Variants in NCKAP5 observed in about 807,000 individuals in gnomAD.
The protein encoded by NCKAP5 is NCK associated protein 5.
A neutral mutation model predicts 167.0 loss-of-function variants in NCKAP5; 92 were observed. That is an observed-to-expected ratio of 0.55 (90% CI 0.47 to 0.66). The LOEUF (loss-of-function observed/expected upper bound fraction) is 0.66, where lower values mean the gene tolerates loss of function less well. Among genes scored for constraint, NCKAP5 ranks in the 30% least tolerant of loss-of-function variants. The pLI is 0.00. For synonymous variants in NCKAP5, 891 were observed against 877.4 expected, an observed-to-expected ratio of 1.02 and a Z score of -0.27; for missense variants, 2,378 against 2,315.0, an observed-to-expected ratio of 1.03 and a Z score of -0.56.
intron 3 of NCKAP5, among the ~76,000 whole-genome samples, chr2:133,451,753 T>C (rs978129066): frequency 1.6e-4 from 25 of 152,340 alleles, no homozygotes; most frequent in Non-Finnish European, 5.9e-5. Flanking sequence ...AAGCCTGGCA[T>C]GAAAGTGAAT....
chr2:133,562,018 T>C (rs1688192752), intron 1 of NCKAP5, among the ~76,000 whole-genome samples: 1 of 152,110 alleles, frequency 6.6e-6, no homozygotes, highest in Non-Finnish European at 1.5e-5. Flanking sequence ...GATATAATTA[T>C]ATTGAAGAAT....
chr2:133,432,452 T>A (rs1165231562), intron 3 of NCKAP5, among the ~76,000 whole-genome samples: 1 of 152,200 alleles, frequency 6.6e-6, no homozygotes, highest in Non-Finnish European at 1.5e-5. Flanking sequence ...CCTTCCTCCA[T>A]GCCACCCAAA....
intron 1 of NCKAP5, among the ~76,000 whole-genome samples, chr2:133,567,102 G>A (rs1477416377): frequency 6.6e-6 from 1 of 152,200 alleles, no homozygotes; most frequent in Non-Finnish European, 1.5e-5. Context: ...TGAGTCATGG[G>A]GTTCACATGC....
chr2:133,651,498 C>T, the NCKAP5 span, among the ~76,000 whole-genome samples: 1 of 152,074 alleles, frequency 6.6e-6, no homozygotes, highest in African/African-American at 2.4e-5. Context: ...TTTAAAAAAT[C>T]AGCAAAAAGA....
chr2:132,925,537 G>T (rs1695803843), intron 8 of NCKAP5, among the ~76,000 whole-genome samples: 1 of 149,022 alleles, frequency 6.7e-6, no homozygotes, highest in Admixed American at 6.8e-5. Context: ...ACTCCAGCCT[G>T]GGTGATAGAG....
chr2:132,741,091 T>C (rs1472532876), intron 16 of NCKAP5, among the ~76,000 whole-genome samples: 2 of 152,156 alleles, frequency 1.3e-5, no homozygotes, highest in Admixed American at 6.5e-5. Flanking sequence ...TAGAAGTCTT[T>C]CTTGAATTTA....
chr2:133,352,440 C>CA (rs1358616567), intron 3 of NCKAP5, among the ~76,000 whole-genome samples: 1 of 152,152 alleles, frequency 6.6e-6, no homozygotes, highest in African/African-American at 2.4e-5. Context: ...GCTCTCAGGG[C>CA]AAGAGCTGTC....
intron 3 of NCKAP5, among the ~76,000 whole-genome samples, chr2:133,335,266 T>C (rs923155871): frequency 6.6e-6 from 1 of 152,186 alleles, no homozygotes; most frequent in African/African-American, 2.4e-5. Flanking sequence ...CTCTCACTCT[T>C]AATCAAAGCA....
At chr2:132,721,721 T>C (rs1277933137) in intron 19 of NCKAP5, among the ~76,000 whole-genome samples, 1 of 152,236 alleles carries the variant, frequency 6.6e-6, no homozygotes, top group Non-Finnish European at 1.5e-5. Context: ...CCCACAGCCA[T>C]GCCAGCTGTC....
chr2:132,715,425 C>A (rs1689277008), intron 19 of NCKAP5, among the ~76,000 whole-genome samples: 1 of 152,130 alleles, frequency 6.6e-6, no homozygotes, highest in African/African-American at 2.4e-5. Flanking sequence ...AAATATAAAA[C>A]TCTAAGGTCT....
At chr2:133,205,515 T>C (rs2085908834) in intron 5 of NCKAP5, among the ~76,000 whole-genome samples, 1 of 152,224 alleles carries the variant, frequency 6.6e-6, no homozygotes, top group South Asian at 2.1e-4. Flanking sequence ...TCACACTAAT[T>C]TGCTTTACCT....
intron 8 of NCKAP5, among the ~76,000 whole-genome samples, chr2:132,941,860 T>C (rs1319447004): frequency 6.6e-6 from 1 of 152,244 alleles, no homozygotes; most frequent in East Asian, 1.9e-4. Context: ...ATTGTAGTTC[T>C]ATATCATGTA....
chr2:133,553,153 A>C (rs1435436250), intron 2 of NCKAP5, among the ~76,000 whole-genome samples: 1 of 152,236 alleles, frequency 6.6e-6, no homozygotes, highest in Admixed American at 6.5e-5. Flanking sequence ...TAAGTGGGAA[A>C]ATAATAAAAC....
chr2:132,790,329 A>G (rs1014122635), intron 12 of NCKAP5, 124 bp from the exon 13 acceptor site: 23 of 835,146 alleles, frequency 2.8e-5, no homozygotes, highest in Admixed American at 8.5e-5. Context: ...GTACATCCTG[A>G]TAAACCCATG....
At chr2:132,824,192 A>G (rs906201584) in intron 11 of NCKAP5, among the ~76,000 whole-genome samples, 1 of 152,244 alleles carries the variant, frequency 6.6e-6, no homozygotes, top group Non-Finnish European at 1.5e-5. Context: ...ATAGGGATTT[A>G]TATTTCTTAC....
At chr2:132,735,093 T>C (rs1247816164) in intron 16 of NCKAP5, among the ~76,000 whole-genome samples, 6 of 152,258 alleles carry the variant, frequency 3.9e-5, no homozygotes, top group African/African-American at 1.4e-4. Flanking sequence ...TATGCAACCA[T>C]ATCTATATAG....
intron 4 of NCKAP5, among the ~76,000 whole-genome samples, chr2:133,246,073 G>A (rs927579259): frequency 3.3e-5 from 5 of 152,108 alleles, no homozygotes; most frequent in South Asian, 2.1e-4. Context: ...GAATGTGACC[G>A]TGGAGTGGAA....
the NCKAP5 span, among the ~76,000 whole-genome samples, chr2:133,666,331 G>A: frequency 6.6e-6 from 1 of 151,452 alleles, no homozygotes; most frequent in Non-Finnish European, 1.5e-5. Flanking sequence ...TCGAGTATCT[G>A]GGATTACAGG....
intron 5 of NCKAP5, among the ~76,000 whole-genome samples, chr2:133,209,493 A>G (rs984082548): frequency 3.3e-5 from 5 of 151,612 alleles, no homozygotes; most frequent in Admixed American, 6.6e-5. Context: ...AACATGTCCA[A>G]GCTAACATTA....
Sources: allele counts gnomAD v4.1 joint callset (sites outside exome capture counted in the v4.1 genomes callset), GRCh38; gene constraint gnomAD v4.1.1; transcripts MANE v1.5; gene names NCBI Gene and HGNC (gene_info 2026-07-23, HGNC 2026-07-21).